Variants in GRM1 observed in about 807,000 individuals in gnomAD.
GRM1 encodes metabotropic glutamate receptor 1.
Under a neutral mutation model 90.9 loss-of-function variants are expected in GRM1, and 33 were observed. The observed-to-expected ratio is 0.36, with a 90% confidence interval of 0.28 to 0.49. The LOEUF (loss-of-function observed/expected upper bound fraction) is 0.49, where lower values mean the gene tolerates loss of function less well. GRM1 is among the 20% of genes least tolerant of loss of function. The pLI is 0.99. For synonymous variants in GRM1, 700 were observed against 613.2 expected, an observed-to-expected ratio of 1.14 and a Z score of -2.09; for missense variants, 1,190 against 1,534.3, an observed-to-expected ratio of 0.78 and a Z score of 3.75.
rs1002527701 is a variant in GRM1 at position 146,423,049 on chromosome 6, G to A, written c.2661-10823G>A. On this transcript the variant is annotated intron_variant, in intron 7 of 7. Coordinates refer to ENST00000282753, the MANE Select transcript of GRM1 (RefSeq NM_001278064.2). ...GGGAAAAGAAGAGAGAGAGACCTTTGCACTTTAAGAAGAAATTGAAGAGGA... is the reference window on the plus strand; with the variant it reads ...GGGAAAAGAAGAGAGAGAGACCTTTACACTTTAAGAAGAAATTGAAGAGGA... 2.0e-5 allele frequency among the ~76,000 whole-genome samples: 3 copies of A among 151,972 alleles called. No individual in the cohort carries two copies. In the South Asian group the frequency reaches 6.2e-4, roughly 32 times the overall value.
rs986183779 is a variant in GRM1, at chr6:146,369,297, G to T, written c.1602+11603G>T. ...TTTCATAAAACTAATTTTTTAATCT[G>T]TTTTAGTTTTTATTAGTTTCATATT... On this transcript the variant is annotated intron_variant, in intron 5 of 7. Coordinates refer to ENST00000282753, the MANE Select transcript of GRM1 (RefSeq NM_001278064.2). 2.6e-5 allele frequency among the ~76,000 whole-genome samples: 4 copies of T among 151,112 alleles called. No individual in the cohort carries two copies. In the East Asian group the frequency reaches 5.9e-4, roughly 22 times the overall value.
At chr6:146,129,207 A>T (rs576472348) in intron 1 of GRM1, among the ~76,000 whole-genome samples, 2 of 152,174 alleles carry the variant, frequency 1.3e-5, no homozygotes, top group Non-Finnish European at 2.9e-5. Flanking sequence ...CCAAATAGCA[A>T]TATATGTGTA....
chr6:146,191,868 T>G (rs1177212818), intron 2 of GRM1, among the ~76,000 whole-genome samples: 1 of 152,180 alleles, frequency 6.6e-6, no homozygotes, highest in Non-Finnish European at 1.5e-5. Flanking sequence ...CTTTGACAAG[T>G]TTTTGTGCTG....
intron 3 of GRM1, among the ~76,000 whole-genome samples, chr6:146,318,886 T>C (rs1169442295): frequency 6.6e-6 from 1 of 152,204 alleles, no homozygotes. Context: ...TCCTTGTAGA[T>C]TCTGGATATT....
chr6:146,359,792 G>A (rs540043145), intron 5 of GRM1, among the ~76,000 whole-genome samples: 12 of 152,240 alleles, frequency 7.9e-5, no homozygotes, highest in African/African-American at 2.6e-4. Context: ...GCGTGTTATC[G>A]AAGGAGATCC....
At chr6:146,134,997 C>T (rs1776563781) in intron 1 of GRM1, among the ~76,000 whole-genome samples, 1 of 152,142 alleles carries the variant, frequency 6.6e-6, no homozygotes, top group African/African-American at 2.4e-5. Flanking sequence ...TAATCACCTC[C>T]CACGAGGTCC....
At chr6:146,406,595 G>A (rs111678867) in intron 7 of GRM1, among the ~76,000 whole-genome samples, 5,055 of 152,146 alleles carry the variant, frequency 0.033, 285 homozygotes, top group African/African-American at 0.11. Context: ...TTGGGAGGCT[G>A]AGGTGGGTGA....
rs1554260529 is a variant in GRM1, at chr6:146,043,796, T to TATATATAGATATATAG, written c.700+13586_700+13587insGATATATAGATATATA. Among the ~76,000 whole-genome samples, 9 of 137,942 alleles carry TATATATAGATATATAG rather than the reference T, an allele frequency of 6.5e-5. No individual in the cohort carries two copies. In the East Asian group the frequency reaches 1.0e-3, roughly 16 times the overall value. The allele number at this position is 137,942 out of a possible 152,430, so 90.5% of individuals were successfully genotyped here. A position where few individuals can be genotyped will look rare whatever the true frequency, so the allele number is the denominator to read the frequency against. ...AAGAGTCAGGTGATATATATATATA[T>TATATATAGATATATAG]ATATATATATATATAAAGGGAAGTG... is the stretch of plus-strand genomic sequence containing the variant. On this transcript the variant is annotated intron_variant, in intron 1 of 7. Coordinates refer to ENST00000282753, the MANE Select transcript of GRM1 (RefSeq NM_001278064.2).
At chr6:146,426,707 C>T in intron 7 of GRM1, 1 of 776,242 alleles carries the variant, frequency 1.3e-6, no homozygotes, top group Non-Finnish European at 2.3e-6. Flanking sequence ...TGGGTTTTTC[C>T]ACTTTCTAAC....
intron 1 of GRM1, among the ~76,000 whole-genome samples, chr6:146,075,489 A>T (rs1269961766): frequency 6.6e-6 from 1 of 152,202 alleles, no homozygotes; most frequent in Non-Finnish European, 1.5e-5. Context: ...GGTGAGGATG[A>T]TGGGGAGAAC....
chr6:146,316,497 C>T (rs1178901447), intron 3 of GRM1, among the ~76,000 whole-genome samples: 1 of 152,208 alleles, frequency 6.6e-6, no homozygotes, highest in African/African-American at 2.4e-5. Context: ...CAAGACAGCA[C>T]GGCATCAGCC....
intron 2 of GRM1, among the ~76,000 whole-genome samples, chr6:146,292,197 T>A (rs1008223138): frequency 2.6e-5 from 4 of 152,014 alleles, no homozygotes; most frequent in African/African-American, 9.7e-5. Context: ...CATAAAATTT[T>A]AAAAGTAACC....
intron 2 of GRM1, among the ~76,000 whole-genome samples, chr6:146,242,030 T>C (rs1331041112): frequency 6.6e-6 from 1 of 152,130 alleles, no homozygotes; most frequent in African/African-American, 2.4e-5. Context: ...GACTTGAATG[T>C]GAGCTGGGGC....
intron 2 of GRM1, among the ~76,000 whole-genome samples, chr6:146,164,617 T>C (rs562877969): frequency 9.0e-4 from 137 of 152,206 alleles, no homozygotes; most frequent in Middle Eastern, 3.4e-3. Context: ...CCCATTTAGG[T>C]TGTCTTATTT....
At chr6:146,325,552 T>C (rs1284485715) in intron 3 of GRM1, among the ~76,000 whole-genome samples, 4 of 152,220 alleles carry the variant, frequency 2.6e-5, no homozygotes, top group Non-Finnish European at 4.4e-5. Context: ...GGCTGTACCA[T>C]GCTCTCTTAG....
At chr6:146,216,403 T>C (rs1779872631) in intron 2 of GRM1, among the ~76,000 whole-genome samples, 1 of 152,220 alleles carries the variant, frequency 6.6e-6, no homozygotes, top group Admixed American at 6.5e-5. Context: ...AAAAACATAG[T>C]AGACTTCTGC....
intron 1 of GRM1, among the ~76,000 whole-genome samples, chr6:146,076,647 G>A (rs1162802280): frequency 6.6e-6 from 1 of 152,154 alleles, no homozygotes; most frequent in Non-Finnish European, 1.5e-5. Flanking sequence ...TTGGAGGCAG[G>A]ATTAGAAGCC....
chr6:146,282,997 G>A (rs900734729), intron 2 of GRM1, among the ~76,000 whole-genome samples: 6 of 152,170 alleles, frequency 3.9e-5, no homozygotes, highest in Non-Finnish European at 8.8e-5. Context: ...TGCAAGAAGA[G>A]AGGTACAGTA....
intron 2 of GRM1, among the ~76,000 whole-genome samples, chr6:146,181,216 G>A (rs917873067): frequency 1.3e-5 from 2 of 150,502 alleles, no homozygotes; most frequent in East Asian, 3.9e-4. Context: ...AACTTGAAAT[G>A]TTCACACATA....
Sources: gnomAD v4.1 joint callset for allele counts (sites outside exome capture counted in the v4.1 genomes callset) on GRCh38, gnomAD v4.1.1 for gene constraint, MANE v1.5 for transcripts, NCBI Gene and HGNC (gene_info 2026-07-23, HGNC 2026-07-21) for gene names.